The following TTLL5 variants were observed in gnomAD, a reference collection of about 807,000 sequenced individuals.
TTLL5 encodes the protein tubulin tyrosine ligase like 5.
In TTLL5, 132 loss-of-function variants were observed where a neutral mutation model predicts 168.4. That is an observed-to-expected ratio of 0.78 (90% CI 0.68 to 0.91). TTLL5 has a LOEUF of 0.91. TTLL5 is among the 40% of genes least tolerant of loss of function. The probability of loss-of-function intolerance (pLI) is 0.00; values close to 1 mark genes in which losing one functional copy is unlikely to be tolerated. For synonymous variants in TTLL5, 546 were observed against 558.6 expected (o/e 0.98, Z 0.32); for missense variants, 1,545 against 1,581.5 (o/e 0.98, Z 0.39).
chr14:75,701,416 G>T (rs907066854), intron 7 of TTLL5, among the ~76,000 whole-genome samples: 1 of 152,188 alleles, frequency 6.6e-6, no homozygotes, highest in South Asian at 2.1e-4. Context: ...TTCTACTGTG[G>T]TTGTGTAGGA....
chr14:75,669,956 T>C (rs1254949736), intron 3 of TTLL5, among the ~76,000 whole-genome samples: 2 of 152,234 alleles, frequency 1.3e-5, no homozygotes, highest in Non-Finnish European at 2.9e-5. Context: ...ATCTATTTTC[T>C]GTTTTTATAG....
intron 27 of TTLL5, among the ~76,000 whole-genome samples, chr14:75,794,510 G>A (rs1191553673): frequency 2.6e-5 from 4 of 150,944 alleles, no homozygotes; most frequent in Admixed American, 6.6e-5. Flanking sequence ...AGCTCCTATC[G>A]TTCACTAGAC....
intron 26 of TTLL5, among the ~76,000 whole-genome samples, chr14:75,790,171 C>T (rs1210402299): frequency 1.3e-5 from 2 of 151,990 alleles, no homozygotes; most frequent in East Asian, 1.9e-4. Flanking sequence ...AGATCCCTGC[C>T]TCACACCATG....
chr14:75,752,043 G>T (rs1483507798), intron 17 of TTLL5, among the ~76,000 whole-genome samples: 4 of 152,182 alleles, frequency 2.6e-5, no homozygotes, highest in African/African-American at 9.7e-5. Context: ...CTGTCGTGGT[G>T]CTGGTGGGAG....
chr14:75,918,405 A>T (rs899024487), intron 31 of TTLL5, among the ~76,000 whole-genome samples: 1 of 152,170 alleles, frequency 6.6e-6, no homozygotes, highest in African/African-American at 2.4e-5. Context: ...GAGGAACTTC[A>T]TCACACTTCT....
chr14:75,718,018 G>A (rs974631975), intron 10 of TTLL5, 56 bp downstream of exon 10: 407 of 1,520,700 alleles, frequency 2.7e-4, no homozygotes, highest in Non-Finnish European at 3.4e-4. Context: ...TGTGGGTGTT[G>A]TAGAGGTGGA....
In TTLL5 at chr14:75,863,862, G is replaced by A; in HGVS notation, c.3522G>A (p.Gln1174=). The A allele has an allele frequency of 7.1e-7, 1 of 1,403,996 alleles. No homozygotes were observed. The highest frequency in any genetic ancestry group is 9.5e-7 in the Non-Finnish European group (1 of 1,052,504). 87.0% of individuals were successfully genotyped at this position (1,403,996 alleles called of 1,614,324 possible). A position where few individuals can be genotyped will look rare whatever the true frequency, so the allele number is the denominator to read the frequency against. Residue 1174 remains glutamine (Q), a splice_region_variant and synonymous_variant, in exon 29 of 32, where the codon CAG becomes CAA. Transcript: ENST00000298832. ...TGGACCAGAGTCGAGCCCGGCACCAGGTAATTCAAGATAAGTCTTTTCCAT... is the reference window on the plus strand; with the variant it reads ...TGGACCAGAGTCGAGCCCGGCACCAAGTAATTCAAGATAAGTCTTTTCCAT... ...QLLDQSRARH[Q]AIFGSQTLPN...
At chr14:75,802,510 C>T (rs940420859) in intron 27 of TTLL5, among the ~76,000 whole-genome samples, 3 of 152,298 alleles carry the variant, frequency 2.0e-5, no homozygotes, top group East Asian at 3.9e-4. Context: ...TATATTTGGC[C>T]TACAATTTCA....
intron 17 of TTLL5, among the ~76,000 whole-genome samples, chr14:75,750,472 A>G (rs1327162117): frequency 6.6e-6 from 1 of 150,900 alleles, no homozygotes; most frequent in Non-Finnish European, 1.5e-5. Context: ...GACAGCAACT[A>G]GATCTTCTTC....
chr14:75,743,871 G>A (rs578105135), intron 15 of TTLL5, among the ~76,000 whole-genome samples: 52 of 152,110 alleles, frequency 3.4e-4, no homozygotes, highest in Middle Eastern at 6.8e-3. Flanking sequence ...ATGAGCCACC[G>A]TGCCCAGCCA....
intron 15 of TTLL5, among the ~76,000 whole-genome samples, chr14:75,744,129 A>G (rs1289507911): frequency 1.3e-5 from 2 of 152,200 alleles, no homozygotes; most frequent in Non-Finnish European, 2.9e-5. Context: ...AGAGAGAAAT[A>G]ATACCTCGTG....
chr14:75,827,536 A>T (rs1012982510), intron 28 of TTLL5, among the ~76,000 whole-genome samples: 1 of 152,044 alleles, frequency 6.6e-6, no homozygotes, highest in African/African-American at 2.4e-5. Context: ...ATGTCACAAC[A>T]TATGGCAGGC....
chr14:75,719,157 A>G (rs1566826546), intron 10 of TTLL5, among the ~76,000 whole-genome samples: 2 of 152,164 alleles, frequency 1.3e-5, no homozygotes, highest in South Asian at 2.1e-4. Context: ...CCTCACTCTT[A>G]CTGTCACTCC....
At chr14:75,677,738 C>T (rs1423836410) in intron 3 of TTLL5, among the ~76,000 whole-genome samples, 2 of 151,720 alleles carry the variant, frequency 1.3e-5, no homozygotes, top group Admixed American at 1.3e-4. Context: ...TTACCTCAGC[C>T]TCCTGAGTAG....
intron 27 of TTLL5, among the ~76,000 whole-genome samples, chr14:75,810,517 A>G (rs766983489): frequency 5.3e-5 from 8 of 151,878 alleles, no homozygotes; most frequent in Middle Eastern, 6.8e-3. Context: ...ACAGGCATGC[A>G]CCACCATGCC....
chr14:75,878,346 C>T (rs1272101826), intron 29 of TTLL5, among the ~76,000 whole-genome samples: 1 of 152,174 alleles, frequency 6.6e-6, no homozygotes, highest in Non-Finnish European at 1.5e-5. Context: ...GAAACCCATG[C>T]TCCTTCTGTC....
intron 28 of TTLL5, among the ~76,000 whole-genome samples, chr14:75,833,372 A>G (rs1282275590): frequency 2.6e-5 from 4 of 152,220 alleles, no homozygotes; most frequent in Non-Finnish European, 5.9e-5. Flanking sequence ...GTGCTGCCAC[A>G]TTTTGGGACT....
chr14:75,934,080 A>G (rs1412986372), intron 31 of TTLL5, among the ~76,000 whole-genome samples: 1 of 152,220 alleles, frequency 6.6e-6, no homozygotes, highest in East Asian at 1.9e-4. Flanking sequence ...CTTATCCCAT[A>G]GTGGCTGGCC....
chr14:75,802,315 A>G (rs754827288), intron 27 of TTLL5, among the ~76,000 whole-genome samples: 2 of 152,110 alleles, frequency 1.3e-5, no homozygotes, highest in Non-Finnish European at 2.9e-5. Flanking sequence ...TATAAAAGCT[A>G]TGAATTTTTC....
Sources: allele counts gnomAD v4.1 joint callset (sites outside exome capture counted in the v4.1 genomes callset), GRCh38; gene constraint gnomAD v4.1.1; transcripts MANE v1.5; gene names NCBI Gene and HGNC (gene_info 2026-07-23, HGNC 2026-07-21).